PRSS50: variants seen among roughly 807,000 people sequenced by gnomAD.
The protein encoded by PRSS50 is serine protease 50, also known as probable threonine protease PRSS50.
PRSS50 carries 23 observed loss-of-function variants against 34.2 expected under a neutral mutation model. The observed-to-expected ratio is 0.67, with a 90% CI of 0.48 to 0.95. The LOEUF is 0.95. PRSS50 is among the 40% of genes least tolerant of loss of function. The pLI is 0.00. For missense variants in PRSS50, 484 were observed against 513.4 expected (o/e 0.94, Z 0.55); for synonymous variants, 224 against 211.2 (o/e 1.06, Z -0.53).
intron 5 of PRSS50, 103 bp from the exon 6 acceptor site, chr3:46,712,585 T>TC: frequency 1.8e-6 from 2 of 1,084,480 alleles, no homozygotes; most frequent in East Asian, 2.4e-5. Context: ...ACCTCCACAG[T>TC]CCCCCAGTGC....
intron 4 of PRSS50, 86 bp from the exon 5 acceptor site, chr3:46,713,153 A>C (rs544263611): frequency 1.3e-6 from 2 of 1,493,274 alleles, no homozygotes; most frequent in African/African-American, 2.8e-5. Flanking sequence ...ACTGTTCCCC[A>C]CGTCCCACCT....
chr3:46,713,667 G>C (rs560621854), intron 4 of PRSS50, among the ~76,000 whole-genome samples: 1 of 152,342 alleles, frequency 6.6e-6, no homozygotes, highest in South Asian at 2.1e-4. Flanking sequence ...GGGACCCCCT[G>C]AAGGAAGTAG....
intron 5 of PRSS50, 55 bp downstream of exon 5, chr3:46,712,846 G>A: frequency 7.0e-7 from 1 of 1,424,772 alleles, no homozygotes; most frequent in Non-Finnish European, 9.5e-7. Context: ...TCCCTCCCCA[G>A]ATGCCTCTCC....
Position 46,715,015 on chromosome 3 carries a change from G to T in PRSS50, c.471-514C>A, listed in dbSNP as rs964663487. On this transcript the variant is annotated intron_variant, in intron 3 of 5. Transcript: ENST00000315170. This position sits in a 1 kb window ranked among gnomAD's most constrained non-coding sequence, Gnocchi z 5.2. ...TCAGCTCTCACAGCCAGCACTCCTGGCCCCAAAACATCAGAACACTCCCTC... is the reference window on the plus strand; with the variant it reads ...TCAGCTCTCACAGCCAGCACTCCTGTCCCCAAAACATCAGAACACTCCCTC... Among the ~76,000 whole-genome samples the T allele has an allele frequency of 6.6e-6, 1 of 152,182 alleles. No individual in the cohort carries two copies. The highest frequency in any genetic ancestry group is 1.5e-5 in the Non-Finnish European group (1 of 68,034).
chr3:46,715,502 C>T lies in PRSS50; in HGVS notation c.470+33G>A, dbSNP rs779993269. On this transcript the variant is annotated intron_variant, in intron 3 of 5. Coordinates refer to ENST00000315170, the MANE Select transcript of PRSS50 (RefSeq NM_013270.5). The surrounding 1 kb of genome is among the most constrained non-coding windows in gnomAD (Gnocchi z 5.2). ...CTGGGCCCACAGCAGCTCCAAATAC[C>T]TCTCCACCCACCCCACCTCAGCCTT... 8 of 1,594,344 alleles carry T rather than the reference C, an allele frequency of 5.0e-6. No homozygotes were observed. The African/African-American group carries it at 6.7e-5, about 13-fold the overall frequency.
chr3:46,715,745 C>A lies in PRSS50; in HGVS notation c.308-48G>T. 6.6e-7 allele frequency: 1 copy of A among 1,515,640 alleles called. No homozygotes were observed. The allele number at this position is 1,515,640 out of a possible 1,614,324, so 93.9% of individuals were successfully genotyped here. ...GATGAGGGATGGATCTTTCCCTGTC[C>A]CTCCCCTCCCCCAGCCTGACCTCGT... On this transcript the variant is annotated intron_variant, in intron 2 of 5. Transcript: ENST00000315170. The surrounding 1 kb of genome is among the most constrained non-coding windows in gnomAD (Gnocchi z 5.2).
intron 4 of PRSS50, among the ~76,000 whole-genome samples, 178 bp from the exon 5 acceptor site, chr3:46,713,245 G>A (rs1377460125): frequency 2.0e-5 from 3 of 152,162 alleles, no homozygotes; most frequent in Non-Finnish European, 2.9e-5. Flanking sequence ...CCGGAGCAGA[G>A]TACCCCCAAC....
chr3:46,714,254 A>C lies in PRSS50; in HGVS notation c.718T>G (p.Cys240Gly). The C allele has an allele frequency of 6.2e-7, 1 of 1,614,118 alleles. No individual in the cohort carries two copies. Among genetic ancestry groups the C allele is most frequent in the South Asian group, 1.1e-5 (1 of 91,088 alleles). Residue 240 changes from cysteine (C) to glycine (G), a missense_variant, in exon 4 of 6, where the codon TGC becomes GGC. Physicochemically the swap from Cys to Gly is radical, Grantham distance 159. Transcript: ENST00000315170. ...GAAAGTCCCCAGCCCGTCACAGTGCAGCGGGAATGGTCCTTCAACACATAG... is the reference window on the plus strand; with the variant it reads ...GAAAGTCCCCAGCCCGTCACAGTGCCGCGGGAATGGTCCTTCAACACATAG... ...TDYVLKDHSR[C>G]TVTGWGLSKA...
chr3:46,714,278 A>G lies in PRSS50; in HGVS notation c.694T>C (p.Tyr232His). Residue 232 changes from tyrosine to histidine, a missense_variant, in exon 4 of 6, where the codon TAT (tyrosine) becomes CAT (histidine). Tyr to His is a moderately conservative substitution (Grantham distance 83). Coordinates refer to ENST00000315170, the MANE Select transcript of PRSS50 (RefSeq NM_013270.5). ...CAGCGGGAATGGTCCTTCAACACATAGTCCGTGCCAGGCAGGCAGATGGGC... is the reference window on the plus strand; with the variant it reads ...CAGCGGGAATGGTCCTTCAACACATGGTCCGTGCCAGGCAGGCAGATGGGC... ...VRPICLPGTD[Y>H]VLKDHSRCTV... 2 of 1,614,146 alleles carry G rather than the reference A, an allele frequency of 1.2e-6. No homozygotes were observed. The highest frequency in any genetic ancestry group is 1.7e-6 in the Non-Finnish European group (2 of 1,180,034).
Position 46,714,234 on chromosome 3 carries a change from T to C in PRSS50, c.738A>G (p.Gly246=). 1 of 1,613,912 alleles carries C rather than the reference T, an allele frequency of 6.2e-7. No individual in the cohort carries two copies. Among genetic ancestry groups the C allele is most frequent in the Non-Finnish European group, 8.5e-7 (1 of 1,179,948 alleles). The change falls in exon 4 of 6, where the codon GGA becomes GGG. Residue 246 remains glycine, a synonymous_variant. Coordinates refer to ENST00000315170, the MANE Select transcript of PRSS50 (RefSeq NM_013270.5). ...TTGACTCACCGTCAGCCTTGGAAAG[T>C]CCCCAGCCCGTCACAGTGCAGCGGG... The part of the protein sequence containing the change: ...DHSRCTVTGW[G]LSKADGMWPQ...
chr3:46,714,583 T>A, intron 3 of PRSS50, 82 bp from the exon 4 acceptor site: 1 of 1,440,080 alleles, frequency 6.9e-7, no homozygotes, highest in Non-Finnish European at 9.2e-7. Context: ...CCCACTCTGC[T>A]GCCCTCCCAG....
In PRSS50 at chr3:46,714,416, C is replaced by A; in HGVS notation, c.556G>T (p.Val186Phe). The A allele has an allele frequency of 6.2e-7, 1 of 1,612,876 alleles. No individual in the cohort carries two copies. Among genetic ancestry groups the A allele is most frequent in the Non-Finnish European group, 8.5e-7 (1 of 1,179,540 alleles). Reference sequence around the variant, plus strand: ...GCCCGGTACCTGCTATGCATGATGACCTGGAGCACCGGGACATCGGAGGCG... The same window carrying A: ...GCCCGGTACCTGCTATGCATGATGAACTGGAGCACCGGGACATCGGAGGCG... ...QTASDVPVLQ[V>F]IMHSRYRAQR... Residue 186 changes from valine to phenylalanine, a missense_variant, in exon 4 of 6, where the codon GTC (valine) becomes TTC (phenylalanine). Val to Phe is a conservative substitution (Grantham distance 50). Coordinates refer to ENST00000315170, the MANE Select transcript of PRSS50 (RefSeq NM_013270.5).
In PRSS50 at chr3:46,717,203, C is replaced by A. The variant is rs1700694603; in HGVS notation, c.307+234G>T. Among the ~76,000 whole-genome samples the A allele has an allele frequency of 6.6e-6, 1 of 152,168 alleles. No homozygotes were observed. ...CCCCAGGCCCCTCTGACTTTCCTGCCCCCTACCTCAGCAGGAGGGGAGGCC... is the reference window on the plus strand; with the variant it reads ...CCCCAGGCCCCTCTGACTTTCCTGCACCCTACCTCAGCAGGAGGGGAGGCC... On this transcript the variant is annotated intron_variant, in intron 2 of 5. Coordinates refer to ENST00000315170, the MANE Select transcript of PRSS50 (RefSeq NM_013270.5). The surrounding 1 kb of genome is among the most constrained non-coding windows in gnomAD (Gnocchi z 4.5).
rs1485404180 is a variant in PRSS50 at position 46,714,220 on chromosome 3, T to C, written c.752A>G (p.Asp251Gly). 6.2e-7 allele frequency: 1 copy of C among 1,613,388 alleles called. No individual in the cohort carries two copies. Among genetic ancestry groups the C allele is most frequent in the East Asian group, 2.2e-5 (1 of 44,844 alleles). ...TVTGWGLSKA[D>G]GMWPQFRTIQ... ...GGTCTGCAGAGGCTTTGACTCACCG[T>C]CAGCCTTGGAAAGTCCCCAGCCCGT... The change falls in exon 4 of 6, where the codon GAC (aspartate) becomes GGC (glycine). Residue 251 changes from aspartate (D) to glycine (G), a missense_variant and splice_region_variant. By Grantham distance (94) the Asp-to-Gly change is moderately conservative (BLOSUM62 -1). Coordinates refer to ENST00000315170, the MANE Select transcript of PRSS50 (RefSeq NM_013270.5).
At position 46,715,500 on chromosome 3, in the gene PRSS50, A is replaced by C. The variant is rs1575472639; in HGVS notation, c.470+35T>G. On this transcript the variant is annotated intron_variant, in intron 3 of 5. Coordinates refer to ENST00000315170, the MANE Select transcript of PRSS50 (RefSeq NM_013270.5). This position sits in a 1 kb window ranked among gnomAD's most constrained non-coding sequence, Gnocchi z 5.2. ...GACTGGGCCCACAGCAGCTCCAAAT[A>C]CCTCTCCACCCACCCCACCTCAGCC... The C allele has an allele frequency of 5.0e-6, 8 of 1,590,782 alleles. No individual in the cohort carries two copies. Among genetic ancestry groups the C allele is most frequent in the Non-Finnish European group, 6.9e-6 (8 of 1,162,012 alleles).
chr3:46,713,505 G>C (rs1052418179), intron 4 of PRSS50, among the ~76,000 whole-genome samples: 2 of 152,196 alleles, frequency 1.3e-5, no homozygotes, highest in Non-Finnish European at 2.9e-5. Flanking sequence ...CCCTGTCCCT[G>C]GCCTAAGCTC....
chr3:46,712,963 C>T lies in PRSS50; in HGVS notation c.859G>A (p.Val287Ile). Residue 287 changes from valine to isoleucine, a missense_variant, in exon 5 of 6, where the codon GTT becomes ATT. Physicochemically the swap from Val to Ile is conservative, Grantham distance 29 (BLOSUM62 3). Coordinates refer to ENST00000315170, the MANE Select transcript of PRSS50 (RefSeq NM_013270.5). ...YHNFTKIPTLVQIIKSQMMCA... is the reference protein window; with the variant it reads ...YHNFTKIPTLIQIIKSQMMCA... ...ATCATCTGGGACTTGATGATCTGAA[C>T]CAGAGTGGGGATTTTGGTGAAGTTG... The T allele has an allele frequency of 6.2e-7, 1 of 1,614,156 alleles. No homozygotes were observed. Among genetic ancestry groups the T allele is most frequent in the Non-Finnish European group, 8.5e-7 (1 of 1,180,028 alleles).
chr3:46,714,575 C>G (rs904888881), intron 3 of PRSS50, 74 bp from the exon 4 acceptor site: 20 of 1,455,746 alleles, frequency 1.4e-5, no homozygotes, highest in Non-Finnish European at 4.5e-6. Flanking sequence ...GGCCTTCCCC[C>G]ACTCTGCTGC....
At position 46,715,763 on chromosome 3, in the gene PRSS50, G is replaced by T; in HGVS notation, c.308-66C>A. The T allele has an allele frequency of 1.3e-6, 2 of 1,491,004 alleles. No individual in the cohort carries two copies. The allele number at this position is 1,491,004 out of a possible 1,614,324, so 92.4% of individuals were successfully genotyped here. A position where few individuals can be genotyped will look rare whatever the true frequency, so the allele number is the denominator to read the frequency against. On this transcript the variant is annotated intron_variant, in intron 2 of 5. Coordinates refer to ENST00000315170, the MANE Select transcript of PRSS50 (RefSeq NM_013270.5). The surrounding 1 kb of genome is among the most constrained non-coding windows in gnomAD (Gnocchi z 5.2). ...CCCTGTCCCTCCCCTCCCCCAGCCT[G>T]ACCTCGTGCCTCTCCAGCCACTGGC...
Sources: gnomAD v4.1 joint callset for allele counts (sites outside exome capture counted in the v4.1 genomes callset) on GRCh38, gnomAD v4.1.1 for gene constraint, Gnocchi (gnomAD v3.1) non-coding constraint, MANE v1.5 for transcripts, NCBI Gene and HGNC (gene_info 2026-07-23, HGNC 2026-07-21) for gene names.